ATP10B: variants seen among roughly 807,000 people sequenced by gnomAD.
ATP10B encodes phospholipid-transporting ATPase VB.
ATP10B carries 122 observed loss-of-function variants against 141.2 expected under a neutral mutation model. The observed-to-expected ratio is 0.86, with a 90% CI of 0.75 to 1.00. ATP10B has a LOEUF of 1.00. ATP10B is among the 50% of genes least tolerant of loss of function. The probability of loss-of-function intolerance (pLI) is 0.00; values close to 1 mark genes in which losing one functional copy is unlikely to be tolerated. For synonymous variants in ATP10B, 685 were observed against 692.0 expected (o/e 0.99, Z 0.16); for missense variants, 1,876 against 1,825.3 (o/e 1.03, Z -0.51).
chr5:160,587,340 T>C (rs1755976448), intron 24 of ATP10B, among the ~76,000 whole-genome samples: 1 of 152,248 alleles, frequency 6.6e-6, no homozygotes, highest in African/African-American at 2.4e-5. Context: ...TGTAGCCTTG[T>C]AGTATAGTTT....
intron 1 of ATP10B, among the ~76,000 whole-genome samples, chr5:160,827,837 T>A (rs879562022): frequency 6.6e-6 from 1 of 152,172 alleles, no homozygotes; most frequent in Non-Finnish European, 1.5e-5. Context: ...ATTCATTTAT[T>A]AAATAGGGAA....
At chr5:160,879,789 G>A in the ATP10B span, among the ~76,000 whole-genome samples, 1 of 152,152 alleles carries the variant, frequency 6.6e-6, no homozygotes, top group Non-Finnish European at 1.5e-5. Context: ...AGTGAGCCGA[G>A]ATGGCGCCAC....
chr5:160,718,826 G>A (rs1765807310), intron 2 of ATP10B, among the ~76,000 whole-genome samples: 1 of 152,088 alleles, frequency 6.6e-6, no homozygotes, highest in Admixed American at 6.5e-5. Flanking sequence ...GCTACACTGG[G>A]GATCAAATTT....
chr5:160,584,292 C>G (rs1002710843), intron 24 of ATP10B, among the ~76,000 whole-genome samples: 1 of 152,030 alleles, frequency 6.6e-6, no homozygotes, highest in Non-Finnish European at 1.5e-5. Flanking sequence ...CAGGCAGTTC[C>G]CCAACCCCTT....
At chr5:160,717,381 C>G (rs1765723165) in intron 2 of ATP10B, among the ~76,000 whole-genome samples, 1 of 152,156 alleles carries the variant, frequency 6.6e-6, no homozygotes, top group African/African-American at 2.4e-5. Context: ...GTATGTATAT[C>G]TCCAATTCTC....
the ATP10B span, among the ~76,000 whole-genome samples, chr5:160,891,980 C>T: frequency 6.6e-6 from 1 of 152,134 alleles, no homozygotes; most frequent in Admixed American, 6.6e-5. Flanking sequence ...GCAGGTAGCA[C>T]ACTTCAATAT....
rs1762456878 is a variant in ATP10B at position 160,668,365 on chromosome 5, GT to G, written c.675+2097del. 2.8e-3 allele frequency among the ~76,000 whole-genome samples: 17 copies of G among 6,014 alleles called. 1 individual carries two copies. Among genetic ancestry groups the G allele is most frequent in the Admixed American group, 0.015 (17 of 1,158 alleles). The allele number at this position is 6,014 out of a possible 152,430, so 3.9% of individuals were successfully genotyped here. A position where few individuals can be genotyped will look rare whatever the true frequency, so the allele number is the denominator to read the frequency against. ...TATGTGTGTCAGCATGTGTGAGTGTGTGTGTATCTATGTGTAATATTTTATA... is the reference window on the plus strand; with the variant it reads ...TATGTGTGTCAGCATGTGTGAGTGTGGTGTATCTATGTGTAATATTTTATA... On this transcript the variant is annotated intron_variant, in intron 7 of 25. Transcript: ENST00000327245.
chr5:160,718,190 C>T (rs545265239), intron 2 of ATP10B, among the ~76,000 whole-genome samples: 30 of 152,218 alleles, frequency 2.0e-4, no homozygotes, highest in Non-Finnish European at 3.4e-4. Flanking sequence ...GATGCGTACA[C>T]TGACGTCCCT....
At chr5:160,837,576 C>G (rs995834373) in intron 1 of ATP10B, among the ~76,000 whole-genome samples, 5 of 151,936 alleles carry the variant, frequency 3.3e-5, no homozygotes, top group Non-Finnish European at 5.9e-5. Context: ...AAAATCACAA[C>G]AAAAGGAACA....
intron 1 of ATP10B, among the ~76,000 whole-genome samples, chr5:160,848,044 T>C (rs186088591): frequency 7.2e-5 from 11 of 152,334 alleles, no homozygotes; most frequent in Non-Finnish European, 1.3e-4. Context: ...AAATAACTAT[T>C]TATGCCTAAG....
intron 19 of ATP10B, among the ~76,000 whole-genome samples, chr5:160,605,113 T>C (rs757875345): frequency 3.9e-5 from 6 of 152,226 alleles, no homozygotes; most frequent in Non-Finnish European, 7.3e-5. Context: ...CTGCAGGCCA[T>C]AGTTTGCCAA....
At chr5:160,652,923 TATATTATATATACATGTA>T (rs1760948522) in intron 7 of ATP10B, among the ~76,000 whole-genome samples, 1 of 81,532 alleles carries the variant, frequency 1.2e-5, no homozygotes, top group African/African-American at 5.9e-5. Context: ...GTATATATAA[TATATTATATATACATGTA>T]TATATAATAT....
At chr5:160,658,888 A>G (rs1333971107) in intron 7 of ATP10B, among the ~76,000 whole-genome samples, 1 of 152,158 alleles carries the variant, frequency 6.6e-6, no homozygotes, top group Non-Finnish European at 1.5e-5. Flanking sequence ...TAATAAATTT[A>G]ATTTTTTGTC....
At chr5:160,639,110 A>G (rs1195806974) in intron 10 of ATP10B, 1 of 152,320 alleles carries the variant, frequency 6.6e-6, no homozygotes, top group Non-Finnish European at 1.5e-5. Flanking sequence ...TGGGGCTAAG[A>G]GTGGCCTCTC....
chr5:160,717,110 A>C (rs926284059), intron 2 of ATP10B, 76 bp from the exon 3 acceptor site: 1 of 897,472 alleles, frequency 1.1e-6, no homozygotes, highest in Non-Finnish European at 1.3e-6. Flanking sequence ...AAGGTTTAAA[A>C]CAATGCTACA....
chr5:160,821,810 C>G (rs1774128658), intron 1 of ATP10B, among the ~76,000 whole-genome samples: 1 of 151,858 alleles, frequency 6.6e-6, no homozygotes, highest in African/African-American at 2.4e-5. Flanking sequence ...TATCCATATG[C>G]AAAAGAATGA....
chr5:160,578,703 C>T, intron 24 of ATP10B, among the ~76,000 whole-genome samples: 1 of 152,174 alleles, frequency 6.6e-6, no homozygotes, highest in Middle Eastern at 3.2e-3. Flanking sequence ...TGGGTATATA[C>T]CCAGTAATGG....
chr5:160,828,071 A>C (rs1271914509), intron 1 of ATP10B, among the ~76,000 whole-genome samples: 1 of 152,214 alleles, frequency 6.6e-6, no homozygotes, highest in African/African-American at 2.4e-5. Context: ...AAGATGGATT[A>C]AAGACTTACA....
At chr5:160,705,696 A>T (rs1195716597) in intron 3 of ATP10B, among the ~76,000 whole-genome samples, 1 of 152,054 alleles carries the variant, frequency 6.6e-6, no homozygotes, top group African/African-American at 2.4e-5. Context: ...GCTCTATAAA[A>T]CTTTCTTCAT....
Sources: allele counts gnomAD v4.1 joint callset (sites outside exome capture counted in the v4.1 genomes callset), GRCh38; gene constraint gnomAD v4.1.1; transcripts MANE v1.5; gene names NCBI Gene and HGNC (gene_info 2026-07-23, HGNC 2026-07-21).